Variants in ADRA1D observed in about 807,000 individuals in gnomAD.
The protein encoded by ADRA1D is adrenoceptor alpha 1D, also known as alpha-1D adrenergic receptor.
ADRA1D carries 22 observed loss-of-function variants against 18.6 expected under a neutral mutation model. The ratio of observed to expected loss-of-function variants is 1.19; its 90% CI spans 0.85 to 1.69. The LOEUF is 1.69. ADRA1D is among the 40% of genes most tolerant of loss of function. The pLI, the probability that ADRA1D is intolerant of heterozygous loss-of-function variation, is 0.00. For synonymous variants in ADRA1D, 376 were observed against 388.2 expected (o/e 0.97, Z 0.37); for missense variants, 840 against 840.7 (o/e 1.00, Z 0.01).
At chr20:4,247,316 G>A (rs12479893) in intron 1 of ADRA1D, among the ~76,000 whole-genome samples, 8,268 of 152,220 alleles carry the variant, frequency 0.054, 464 homozygotes, top group East Asian at 0.31. Context: ...AGAACTCGGG[G>A]CACTCAGAAA....
Position 4,235,161 on chromosome 20 carries a change from C to T in ADRA1D, c.1111+12686G>A, listed in dbSNP as rs569007635. Reference sequence around the variant, plus strand: ...CAGGGTCCTTTCACTTGAGATGCGCCGGGTGTAGGTCAGAAGTCCTTCTGT... The same window carrying T: ...CAGGGTCCTTTCACTTGAGATGCGCTGGGTGTAGGTCAGAAGTCCTTCTGT... On this transcript the variant is annotated intron_variant, in intron 1 of 1. Coordinates refer to ENST00000379453, the MANE Select transcript of ADRA1D (RefSeq NM_000678.4). 6.6e-4 allele frequency among the ~76,000 whole-genome samples: 101 copies of T among 152,286 alleles called. No homozygotes were observed. In the South Asian group the frequency reaches 0.019, roughly 29 times the overall value.
At chr20:4,224,993 GTTTTTT>G (rs562415272) in intron 1 of ADRA1D, among the ~76,000 whole-genome samples, 4 of 120,096 alleles carry the variant, frequency 3.3e-5, no homozygotes, top group African/African-American at 6.2e-5. Context: ...GGCCATCTAA[GTTTTTT>G]TTTTTTTTTT....
At chr20:4,225,855 G>T (rs1264640899) in intron 1 of ADRA1D, among the ~76,000 whole-genome samples, 1 of 152,166 alleles carries the variant, frequency 6.6e-6, no homozygotes, top group South Asian at 2.1e-4. Context: ...GGCCACTGGC[G>T]CATTAGTCAG....
chr20:4,248,795 C>T lies in ADRA1D; in HGVS notation c.163G>A (p.Gly55Ser), dbSNP rs1981424175. 1 of 1,163,344 alleles carries T rather than the reference C, an allele frequency of 8.6e-7. No individual in the cohort carries two copies. Among genetic ancestry groups the T allele is most frequent in the South Asian group, 4.2e-5 (1 of 23,818 alleles). 72.1% of individuals were successfully genotyped at this position (1,163,344 alleles called of 1,614,324 possible). The change falls in exon 1 of 2, where the codon GGC becomes AGC. Residue 55 changes from glycine (G) to serine (S), a missense_variant. Physicochemically the swap from Gly to Ser is moderately conservative, Grantham distance 56 (BLOSUM62 0). Transcript: ENST00000379453. ...GVPGGAGGGG[G>S]VVGAGSGEDN... ...TCGCCGCTGCCTGCGCCCACCACGC[C>T]GCCGCCGCCGCCCGCGCCCCCCGGC...
chr20:4,240,190 G>T (rs1981180433), intron 1 of ADRA1D, among the ~76,000 whole-genome samples: 1 of 152,136 alleles, frequency 6.6e-6, no homozygotes, highest in African/African-American at 2.4e-5. Context: ...GGACAATCTG[G>T]TGTCTTCACT....
chr20:4,237,391 T>C (rs761534807), intron 1 of ADRA1D, among the ~76,000 whole-genome samples: 2 of 151,588 alleles, frequency 1.3e-5, no homozygotes, highest in Non-Finnish European at 2.9e-5. Flanking sequence ...AGACCCTGTC[T>C]CTTTCTTTAA....
At chr20:4,231,038 T>TTTTCTTTTTCTTTCTTTC (rs1555821020) in intron 1 of ADRA1D, among the ~76,000 whole-genome samples, 2 of 108,524 alleles carry the variant, frequency 1.8e-5, no homozygotes, top group Admixed American at 1.0e-4. Context: ...CTTTCTTTCT[T>TTTTCTTTTTCTTTCTTTC]TTTCTTTCTT....
At position 4,222,107 on chromosome 20, in the gene ADRA1D, G is replaced by C. The variant is rs1229872916; in HGVS notation, c.1135C>G (p.Pro379Ala). 1 of 1,612,554 alleles carries C rather than the reference G, an allele frequency of 6.2e-7. No individual in the cohort carries two copies. The highest frequency in any genetic ancestry group is 1.1e-5 in the South Asian group (1 of 91,056). Residue 379 changes from proline (P) to alanine (A), a missense_variant, in exon 2 of 2, where the codon CCA becomes GCA. By Grantham distance (27) the Pro-to-Ala change is conservative. Transcript: ENST00000379453. This position sits in a 1 kb window ranked among gnomAD's most constrained non-coding sequence, Gnocchi z 4.3. ...ATGACCTTGAAGACGCCCTCCGATGGCTTCAGCTGCGGGAACAAGGAGCCT... is the reference window on the plus strand; with the variant it reads ...ATGACCTTGAAGACGCCCTCCGATGCCTTCAGCTGCGGGAACAAGGAGCCT... ...PLGSLFPQLK[P>A]SEGVFKVIFW...
In ADRA1D at chr20:4,221,695, C is replaced by CT. The variant is rs1181029538; in HGVS notation, c.1546dup (p.Ser516LysfsTer73). 16 of 1,611,724 alleles carry CT rather than the reference C, an allele frequency of 9.9e-6. No individual in the cohort carries two copies. Among genetic ancestry groups the CT allele is most frequent in the Non-Finnish European group, 1.3e-5 (15 of 1,179,552 alleles). ...CCCGGCGCGGATCTTGTGCGACAGG[C>CT]TGGAGACTTTGGCGCGCAGCTGGGT... On this transcript the variant is annotated frameshift_variant, in exon 2 of 2. Coordinates refer to ENST00000379453, the MANE Select transcript of ADRA1D (RefSeq NM_000678.4). LOFTEE classifies it low-confidence loss of function (END_TRUNC).
intron 1 of ADRA1D, among the ~76,000 whole-genome samples, chr20:4,243,773 C>T (rs992097005): frequency 6.6e-6 from 1 of 152,170 alleles, no homozygotes; most frequent in African/African-American, 2.4e-5. Context: ...GCTGCCCTCC[C>T]CAGCCTTGCT....
chr20:4,224,109 T>A (rs541600784), intron 1 of ADRA1D, among the ~76,000 whole-genome samples: 208 of 152,330 alleles, frequency 1.4e-3, no homozygotes, highest in African/African-American at 4.9e-3. Flanking sequence ...AGAAAATCTC[T>A]TTTGGGACAA....
intron 1 of ADRA1D, 141 bp downstream of exon 1, chr20:4,247,706 A>C (rs1981367214): frequency 1.0e-6 from 1 of 995,388 alleles, no homozygotes; most frequent in African/African-American, 1.7e-5. Flanking sequence ...TGGTGCATGC[A>C]CACCTGCCTC....
intron 1 of ADRA1D, among the ~76,000 whole-genome samples, chr20:4,242,856 TG>T (rs1245807895): frequency 1.2e-4 from 18 of 150,578 alleles, no homozygotes; most frequent in Admixed American, 9.9e-4. Flanking sequence ...GGGGTGGGGC[TG>T]TTGTGTGTGT....
chr20:4,247,776 C>G, intron 1 of ADRA1D, 71 bp downstream of exon 1: 1 of 1,416,968 alleles, frequency 7.1e-7, no homozygotes, highest in South Asian at 1.6e-5. Context: ...TCGCCCAAGT[C>G]TGGGTGCCAG....
intron 1 of ADRA1D, among the ~76,000 whole-genome samples, chr20:4,246,469 G>T (rs537516040): frequency 5.1e-4 from 77 of 152,310 alleles, no homozygotes; most frequent in Admixed American, 5.0e-3. Flanking sequence ...CAAGTGCAAA[G>T]GCCTGAGGAC....
At chr20:4,236,540 C>G (rs1981097774) in intron 1 of ADRA1D, among the ~76,000 whole-genome samples, 1 of 152,042 alleles carries the variant, frequency 6.6e-6, no homozygotes, top group African/African-American at 2.4e-5. Flanking sequence ...AAGTGGCAGG[C>G]TCGAGGGCAG....
At chr20:4,224,215 G>A (rs1980739458) in intron 1 of ADRA1D, among the ~76,000 whole-genome samples, 1 of 152,148 alleles carries the variant, frequency 6.6e-6, no homozygotes, top group Non-Finnish European at 1.5e-5. Flanking sequence ...ATAGAGCCTG[G>A]AATTAAGCCT....
At chr20:4,238,645 C>G (rs898402946) in intron 1 of ADRA1D, among the ~76,000 whole-genome samples, 4 of 152,240 alleles carry the variant, frequency 2.6e-5, no homozygotes, top group African/African-American at 7.2e-5. Flanking sequence ...GACTTTTCTA[C>G]AGCAAGTGCT....
At chr20:4,246,589 G>GCT (rs73616158) in intron 1 of ADRA1D, among the ~76,000 whole-genome samples, 9,233 of 152,176 alleles carry the variant, frequency 0.061, 537 homozygotes, top group East Asian at 0.31. Context: ...GAGGGAGATG[G>GCT]CTCTCATTTG....
Sources: allele counts gnomAD v4.1 joint callset (sites outside exome capture counted in the v4.1 genomes callset), GRCh38; gene constraint gnomAD v4.1.1; non-coding constraint Gnocchi (gnomAD v3.1); transcripts MANE v1.5; gene names NCBI Gene and HGNC (gene_info 2026-07-23, HGNC 2026-07-21).